Variants in PPP4R2 observed in about 807,000 individuals in gnomAD.
The protein encoded by PPP4R2 is serine/threonine-protein phosphatase 4 regulatory subunit 2.
Under a neutral mutation model 47.2 loss-of-function variants are expected in PPP4R2, and 13 were observed. The ratio of observed to expected loss-of-function variants is 0.28; its 90% CI spans 0.18 to 0.44. The LOEUF (loss-of-function observed/expected upper bound fraction) is 0.44, where lower values mean the gene tolerates loss of function less well. Among genes scored for constraint, PPP4R2 ranks in the 20% least tolerant of loss-of-function variants. PPP4R2 has a pLI of 1.00. For synonymous variants in PPP4R2, 151 were observed against 163.3 expected (o/e 0.92, Z 0.57); for missense variants, 421 against 491.2 (o/e 0.86, Z 1.35).
chr3:73,065,771 AAC>A lies in PPP4R2; in HGVS notation c.*52_*53del, dbSNP rs1702982694. 3 of 1,304,974 alleles carry A rather than the reference AAC, an allele frequency of 2.3e-6. No homozygotes were observed. Among genetic ancestry groups the A allele is most frequent in the Non-Finnish European group, 3.1e-6 (3 of 953,656 alleles). 80.8% of individuals were successfully genotyped at this position (1,304,974 alleles called of 1,614,324 possible). ...GTATTTTACATACAGTTCTGGTTTT[AAC>A]ACTGTATAAAACTTTTGTGTAATAA... is the stretch of plus-strand genomic sequence containing the variant. On this transcript the variant is annotated 3_prime_UTR_variant, in exon 9 of 9. Coordinates refer to ENST00000356692, the MANE Select transcript of PPP4R2 (RefSeq NM_174907.4).
At chr3:73,019,821 C>T (rs1166229745) in intron 2 of PPP4R2, among the ~76,000 whole-genome samples, 1 of 152,128 alleles carries the variant, frequency 6.6e-6, no homozygotes, top group Non-Finnish European at 1.5e-5. Flanking sequence ...CAGATTCTGT[C>T]TATTTGTCCA....
chr3:73,041,101 A>G (rs1702370049), intron 2 of PPP4R2, among the ~76,000 whole-genome samples: 5 of 152,186 alleles, frequency 3.3e-5, no homozygotes, highest in Admixed American at 2.6e-4. Context: ...TTTAAATCCT[A>G]TTAACATTTT....
rs760137602 is a variant in PPP4R2 at position 73,065,484 on chromosome 3, C to T, written c.1016C>T (p.Thr339Ile). 5 of 1,611,616 alleles carry T rather than the reference C, an allele frequency of 3.1e-6. No individual in the cohort carries two copies. Among genetic ancestry groups the T allele is most frequent in the Non-Finnish European group, 4.2e-6 (5 of 1,179,698 alleles). ...GATGCCTTAACTGTGAATGAAGAGA[C>T]TTCTGAGGAAAATAATCAAATGGAG... ...SDDALTVNEETSEENNQMEES... is the reference protein window; with the variant it reads ...SDDALTVNEEISEENNQMEES... The change falls in exon 9 of 9, where the codon ACT (threonine) becomes ATT (isoleucine). Residue 339 changes from threonine to isoleucine, a missense_variant. Coordinates refer to ENST00000356692, the MANE Select transcript of PPP4R2 (RefSeq NM_174907.4).
At chr3:73,052,899 A>C (rs925179291) in intron 3 of PPP4R2, among the ~76,000 whole-genome samples, 1 of 152,234 alleles carries the variant, frequency 6.6e-6, no homozygotes, top group East Asian at 1.9e-4. Flanking sequence ...GTCACAGCTG[A>C]GAGTACTGCT....
chr3:73,022,796 A>G (rs1480126868), intron 2 of PPP4R2, among the ~76,000 whole-genome samples: 1 of 149,908 alleles, frequency 6.7e-6, no homozygotes, highest in Non-Finnish European at 1.5e-5. Context: ...TAAACAATGC[A>G]GTCTTACAGT....
chr3:73,036,998 G>A (rs1332417039), intron 2 of PPP4R2, among the ~76,000 whole-genome samples: 2 of 152,126 alleles, frequency 1.3e-5, no homozygotes, highest in South Asian at 4.1e-4. Context: ...TTCAGTAACA[G>A]ATATTTTAAG....
intron 2 of PPP4R2, among the ~76,000 whole-genome samples, chr3:73,015,450 C>T (rs1232252541): frequency 6.8e-6 from 1 of 146,684 alleles, no homozygotes; most frequent in Admixed American, 6.9e-5. Context: ...GTTGGGATTA[C>T]AGGCATGAGC....
chr3:73,030,848 C>T (rs900622178), intron 2 of PPP4R2, among the ~76,000 whole-genome samples: 8 of 151,854 alleles, frequency 5.3e-5, no homozygotes, highest in African/African-American at 1.7e-4. Flanking sequence ...ATTACAAGCA[C>T]GCGCCACCAT....
chr3:72,997,410 C>T (rs9873229), intron 1 of PPP4R2: 74,840 of 226,164 alleles, frequency 0.33, 15,433 homozygotes, highest in African/African-American at 0.45. Context: ...CACCAGGCTA[C>T]CCGTACGCTA....
chr3:73,006,343 C>T (rs575223191), intron 2 of PPP4R2, among the ~76,000 whole-genome samples: 10 of 151,858 alleles, frequency 6.6e-5, no homozygotes, highest in East Asian at 1.9e-4. Flanking sequence ...GGGCCACAGG[C>T]GCGCGCCACC....
chr3:73,065,701 T>A lies in PPP4R2; in HGVS notation c.1233T>A (p.Asp411Glu). The A allele has an allele frequency of 6.2e-7, 1 of 1,606,192 alleles. No homozygotes were observed. The highest frequency in any genetic ancestry group is 1.7e-4 in the Middle Eastern group (1 of 6,028). ...ENDDEATEVT[D>E]EPMEQD The stretch of plus-strand genomic sequence containing the variant: ...ATGACGAAGCCACAGAAGTCACCGA[T>A]GAACCAATGGAACAAGACTAACTAT... The change falls in exon 9 of 9, where the codon GAT becomes GAA. Residue 411 changes from aspartate (D) to glutamate (E), a missense_variant. Coordinates refer to ENST00000356692, the MANE Select transcript of PPP4R2 (RefSeq NM_174907.4).
At chr3:73,050,357 A>G (rs1702585279) in intron 3 of PPP4R2, among the ~76,000 whole-genome samples, 2 of 152,152 alleles carry the variant, frequency 1.3e-5, no homozygotes, top group Non-Finnish European at 2.9e-5. Context: ...GTGATACATC[A>G]AGATTTTTCT....
intron 2 of PPP4R2, among the ~76,000 whole-genome samples, chr3:73,007,884 T>C (rs1701645248): frequency 6.6e-6 from 1 of 152,156 alleles, no homozygotes; most frequent in Non-Finnish European, 1.5e-5. Context: ...GTCAGCCAAA[T>C]ACTACCTTTA....
intron 3 of PPP4R2, among the ~76,000 whole-genome samples, chr3:73,050,723 A>G (rs1702593843): frequency 6.6e-6 from 1 of 152,170 alleles, no homozygotes; most frequent in African/African-American, 2.4e-5. Context: ...ATTTAAAGCT[A>G]TCTTTTTATT....
intron 2 of PPP4R2, among the ~76,000 whole-genome samples, chr3:73,005,179 G>A (rs1318112979): frequency 6.6e-6 from 1 of 152,022 alleles, no homozygotes; most frequent in Non-Finnish European, 1.5e-5. Context: ...TTGACCTCGT[G>A]ATCTCCCCGC....
intron 2 of PPP4R2, among the ~76,000 whole-genome samples, chr3:73,013,071 T>C (rs1701756798): frequency 6.6e-6 from 1 of 152,116 alleles, no homozygotes; most frequent in Non-Finnish European, 1.5e-5. Flanking sequence ...TAGAGAGTTT[T>C]TGGGGATGAT....
At chr3:73,042,697 G>T (rs1443521785) in intron 2 of PPP4R2, among the ~76,000 whole-genome samples, 1 of 151,874 alleles carries the variant, frequency 6.6e-6, no homozygotes, top group African/African-American at 2.4e-5. Flanking sequence ...AGCATTTTCT[G>T]TTTTTGTTTT....
rs538906702 is a variant in PPP4R2, at chr3:73,067,543, A to C, written c.*1821A>C. The C allele has an allele frequency of 6.6e-5, 10 of 152,314 alleles. No homozygotes were observed. In the South Asian group the frequency reaches 1.4e-3, roughly 22 times the overall value. The allele number at this position is 152,314 out of a possible 1,614,324, so 9.4% of individuals were successfully genotyped here. A position where few individuals can be genotyped will look rare whatever the true frequency, so the allele number is the denominator to read the frequency against. On this transcript the variant is annotated 3_prime_UTR_variant, in exon 9 of 9. Coordinates refer to ENST00000356692, the MANE Select transcript of PPP4R2 (RefSeq NM_174907.4). ...CTATACCCAAGAGGGGAGAAAAATT[A>C]ACCATTGTAAATTTTTAAAAAATTT...
At chr3:73,033,570 A>C (rs1229306897) in intron 2 of PPP4R2, among the ~76,000 whole-genome samples, 1 of 152,216 alleles carries the variant, frequency 6.6e-6, no homozygotes, top group Non-Finnish European at 1.5e-5. Context: ...ACCGTTGCTA[A>C]ATGTACAGTT....
Sources: allele counts gnomAD v4.1 joint callset (sites outside exome capture counted in the v4.1 genomes callset), GRCh38; gene constraint gnomAD v4.1.1; transcripts MANE v1.5; gene names NCBI Gene and HGNC (gene_info 2026-07-23, HGNC 2026-07-21).